MTHFD2L: variants seen among roughly 807,000 people sequenced by gnomAD.
MTHFD2L encodes bifunctional methylenetetrahydrofolate dehydrogenase/cyclohydrolase 2, mitochondrial.
In MTHFD2L, 29 loss-of-function variants were observed where a neutral mutation model predicts 34.9. The observed-to-expected ratio is 0.83, with a 90% CI of 0.62 to 1.13. The LOEUF is 1.13. MTHFD2L is among the 50% of genes most tolerant of loss of function. MTHFD2L has a pLI of 0.00. For missense variants in MTHFD2L, 481 were observed against 446.5 expected (o/e 1.08, Z -0.70); for synonymous variants, 167 against 155.7 (o/e 1.07, Z -0.54).
upstream of MTHFD2L, chr4:74,156,800 T>C (rs557990232): frequency 2.2e-4 from 33 of 152,314 alleles, no homozygotes; most frequent in African/African-American, 7.5e-4. Flanking sequence ...ATTTCCTTAA[T>C]GATAAATGAT....
Position 74,184,815 on chromosome 4 carries a change from T to G in MTHFD2L, c.451+9412T>G, listed in dbSNP as rs539631910. Among the ~76,000 whole-genome samples, 8 of 152,196 alleles carry G rather than the reference T, an allele frequency of 5.3e-5. No homozygotes were observed. In the South Asian group the frequency reaches 1.7e-3, roughly 32 times the overall value. ...GAGAATTCATGTCACACAAAACATG[T>G]TCTCTGACCACAATGGAATTAAATT... On this transcript the variant is annotated intron_variant, in intron 3 of 7. Coordinates refer to ENST00000325278, the MANE Select transcript of MTHFD2L (RefSeq NM_001144978.3).
chr4:74,213,838 T>TAC (rs1294650770), intron 5 of MTHFD2L, among the ~76,000 whole-genome samples: 3 of 152,330 alleles, frequency 2.0e-5, no homozygotes, highest in South Asian at 2.1e-4. Context: ...CACTTTTAGG[T>TAC]ACACCAGTCA....
chr4:74,268,906 A>G (rs1046737143), intron 6 of MTHFD2L, among the ~76,000 whole-genome samples: 9 of 152,002 alleles, frequency 5.9e-5, no homozygotes, highest in East Asian at 3.9e-4. Context: ...TATTGCTATC[A>G]TTTTTTTCTA....
chr4:74,262,438 G>A (rs781497776), intron 6 of MTHFD2L, among the ~76,000 whole-genome samples: 1 of 151,786 alleles, frequency 6.6e-6, no homozygotes, highest in Non-Finnish European at 1.5e-5. Flanking sequence ...TGGAACAAGT[G>A]CCTCTTAGAG....
chr4:74,274,340 T>C (rs1343384061), intron 6 of MTHFD2L, among the ~76,000 whole-genome samples: 1 of 152,200 alleles, frequency 6.6e-6, no homozygotes. Flanking sequence ...TAAAAAGGGC[T>C]TCTTATTCAT....
intron 6 of MTHFD2L, among the ~76,000 whole-genome samples, chr4:74,237,073 G>A (rs1197425207): frequency 6.6e-6 from 1 of 151,900 alleles, no homozygotes; most frequent in Non-Finnish European, 1.5e-5. Context: ...TTCGTATAAA[G>A]GATAAAAGTC....
intron 1 of MTHFD2L, 78 bp downstream of exon 1, chr4:74,158,359 G>A: frequency 9.3e-7 from 1 of 1,076,440 alleles, no homozygotes; most frequent in African/African-American, 1.7e-5. Context: ...GCTCGCGCGC[G>A]TGGGGCCCAA....
chr4:74,260,907 G>GT (rs1455295481), intron 6 of MTHFD2L, among the ~76,000 whole-genome samples: 10 of 138,138 alleles, frequency 7.2e-5, no homozygotes, highest in Admixed American at 2.9e-4. Flanking sequence ...ACCCATTTGT[G>GT]TTTTTTTAAA....
chr4:74,142,762 A>G (rs1430442940), intron 1 of MTHFD2L, among the ~76,000 whole-genome samples: 3 of 152,154 alleles, frequency 2.0e-5, no homozygotes, highest in Non-Finnish European at 4.4e-5. Context: ...AAGCAATGAC[A>G]TGGTCCTGCA....
At chr4:74,164,849 A>G (rs943076134) in intron 1 of MTHFD2L, 1 of 399,878 alleles carries the variant, frequency 2.5e-6, no homozygotes, top group South Asian at 1.0e-4. Flanking sequence ...TGATGAAGCC[A>G]CATTTCGTGG....
intron 6 of MTHFD2L, among the ~76,000 whole-genome samples, chr4:74,239,803 G>A (rs1741437986): frequency 1.3e-5 from 2 of 152,126 alleles, no homozygotes; most frequent in South Asian, 2.1e-4. Flanking sequence ...CAAGTGCATT[G>A]CAGTAATGTT....
At chr4:74,246,959 C>A (rs149836210) in intron 6 of MTHFD2L, among the ~76,000 whole-genome samples, 1 of 151,920 alleles carries the variant, frequency 6.6e-6, no homozygotes, top group Non-Finnish European at 1.5e-5. Context: ...CTTGGCGATG[C>A]GGCCTCTTTT....
At chr4:74,298,762 T>C (rs1036923740) in intron 7 of MTHFD2L, among the ~76,000 whole-genome samples, 7 of 152,052 alleles carry the variant, frequency 4.6e-5, no homozygotes, top group African/African-American at 1.7e-4. Flanking sequence ...AATATCCTGC[T>C]AACACTTTGA....
intron 1 of MTHFD2L, chr4:74,160,741 A>C (rs1228398210): frequency 1.3e-5 from 2 of 152,306 alleles, no homozygotes; most frequent in Non-Finnish European, 2.9e-5. Context: ...GGAGTTTACA[A>C]ATCAAAATGT....
At chr4:74,144,316 G>A (rs1205199686) in intron 1 of MTHFD2L, among the ~76,000 whole-genome samples, 1 of 152,090 alleles carries the variant, frequency 6.6e-6, no homozygotes, top group African/African-American at 2.4e-5. Context: ...AGCTGGGCAT[G>A]GTGGCAGGCG....
At chr4:74,182,011 A>G (rs1730268469) in intron 3 of MTHFD2L, among the ~76,000 whole-genome samples, 1 of 152,134 alleles carries the variant, frequency 6.6e-6, no homozygotes, top group African/African-American at 2.4e-5. Flanking sequence ...TATTATTAAA[A>G]TGTTTGACCA....
chr4:74,239,965 G>A (rs1176453850), intron 6 of MTHFD2L, among the ~76,000 whole-genome samples: 1 of 152,046 alleles, frequency 6.6e-6, no homozygotes, highest in Non-Finnish European at 1.5e-5. Flanking sequence ...AGTTGGTCAG[G>A]ATATACTTAA....
intron 5 of MTHFD2L, among the ~76,000 whole-genome samples, chr4:74,223,514 G>A (rs1738600846): frequency 1.3e-5 from 2 of 151,798 alleles, no homozygotes; most frequent in South Asian, 4.2e-4. Context: ...CTAATTAATG[G>A]GTACTAGGCT....
chr4:74,302,737 C>T lies in MTHFD2L; in HGVS notation c.*928C>T, dbSNP rs1750460650. ...CAAATTCAGAAATCTAATAGGAAAA[C>T]ATGATACTTTCAATGTGCCAAAACT... is the stretch of plus-strand genomic sequence containing the variant. On this transcript the variant is annotated 3_prime_UTR_variant, in exon 8 of 8. Coordinates refer to ENST00000325278, the MANE Select transcript of MTHFD2L (RefSeq NM_001144978.3). 2 of 152,124 alleles carry T rather than the reference C, an allele frequency of 1.3e-5. No homozygotes were observed. Among genetic ancestry groups the T allele is most frequent in the Non-Finnish European group, 2.9e-5 (2 of 67,998 alleles). 9.4% of individuals were successfully genotyped at this position (152,124 alleles called of 1,614,324 possible). A position where few individuals can be genotyped will look rare whatever the true frequency, so the allele number is the denominator to read the frequency against.
Sources: gnomAD v4.1 joint callset for allele counts (sites outside exome capture counted in the v4.1 genomes callset) on GRCh38, gnomAD v4.1.1 for gene constraint, MANE v1.5 for transcripts, NCBI Gene and HGNC (gene_info 2026-07-23, HGNC 2026-07-21) for gene names.